Variants in EPHA6 observed in about 807,000 individuals in gnomAD.
EPHA6 encodes ephrin type-A receptor 6.
In EPHA6, 50 loss-of-function variants were observed where a neutral mutation model predicts 112.0. The observed-to-expected ratio is 0.45, with a 90% CI of 0.36 to 0.56. The LOEUF is 0.56. Ranked by LOEUF, EPHA6 falls within the 20% of genes least tolerant of loss-of-function variation. The pLI, the probability that EPHA6 is intolerant of heterozygous loss-of-function variation, is 0.00. For missense variants in EPHA6, 1,280 were observed against 1,417.4 expected (o/e 0.90, Z 1.56); for synonymous variants, 529 against 490.7 (o/e 1.08, Z -1.03).
intron 3 of EPHA6, among the ~76,000 whole-genome samples, chr3:97,030,559 C>T (rs1183847862): frequency 3.3e-5 from 5 of 152,046 alleles, no homozygotes; most frequent in Admixed American, 3.3e-4. Flanking sequence ...ACCTCTCTTC[C>T]CCTTCCAGAA....
chr3:97,746,312 A>T (rs1428893909), intron 16 of EPHA6, among the ~76,000 whole-genome samples: 1 of 151,850 alleles, frequency 6.6e-6, no homozygotes, highest in African/African-American at 2.4e-5. Context: ...TATAAATTAC[A>T]GATCTAAAAA....
At chr3:97,513,014 G>C (rs978897166) in intron 10 of EPHA6, among the ~76,000 whole-genome samples, 2 of 152,120 alleles carry the variant, frequency 1.3e-5, no homozygotes, top group Non-Finnish European at 2.9e-5. Context: ...CTTTCACATA[G>C]AGAGTTAAAT....
At chr3:96,953,454 A>G (rs2041632518) in intron 2 of EPHA6, among the ~76,000 whole-genome samples, 1 of 152,216 alleles carries the variant, frequency 6.6e-6, no homozygotes, top group Admixed American at 6.5e-5. Context: ...AGTACATTGT[A>G]GCACAAAAAT....
intron 15 of EPHA6, among the ~76,000 whole-genome samples, chr3:97,735,561 A>G (rs2035217726): frequency 6.6e-6 from 1 of 152,044 alleles, no homozygotes; most frequent in Non-Finnish European, 1.5e-5. Context: ...GACATTTGTT[A>G]TATGTTATTT....
chr3:96,922,589 A>T (rs1005550896), intron 2 of EPHA6, among the ~76,000 whole-genome samples: 6 of 152,234 alleles, frequency 3.9e-5, no homozygotes, highest in African/African-American at 1.4e-4. Context: ...TTAACAAATG[A>T]TAAAAATGTA....
chr3:97,243,677 G>A (rs1423784528), intron 4 of EPHA6, among the ~76,000 whole-genome samples: 4 of 151,678 alleles, frequency 2.6e-5, no homozygotes, highest in African/African-American at 7.3e-5. Context: ...TTTAAAAGGT[G>A]TAATTACCAT....
chr3:97,125,390 A>G (rs2048156019), intron 3 of EPHA6, among the ~76,000 whole-genome samples: 1 of 152,230 alleles, frequency 6.6e-6, no homozygotes, highest in South Asian at 2.1e-4. Context: ...TTATGCTAAT[A>G]GGAAATTTAA....
At chr3:97,119,862 C>T (rs1259076409) in intron 3 of EPHA6, among the ~76,000 whole-genome samples, 2 of 151,916 alleles carry the variant, frequency 1.3e-5, no homozygotes, top group Non-Finnish European at 2.9e-5. Flanking sequence ...CTGAAATATT[C>T]ATATGTACTA....
At chr3:97,514,175 T>C (rs1368566892) in intron 10 of EPHA6, among the ~76,000 whole-genome samples, 2 of 152,174 alleles carry the variant, frequency 1.3e-5, no homozygotes, top group African/African-American at 4.8e-5. Flanking sequence ...AGAACTGATA[T>C]CTTCCAAAGT....
At chr3:96,854,466 T>C (rs1207185600) in intron 1 of EPHA6, among the ~76,000 whole-genome samples, 3 of 152,008 alleles carry the variant, frequency 2.0e-5, no homozygotes, top group Non-Finnish European at 4.4e-5. Context: ...ATAGCACTTA[T>C]CATAATATAT....
chr3:97,061,271 TC>T (rs745769198), intron 3 of EPHA6, among the ~76,000 whole-genome samples: 11 of 152,298 alleles, frequency 7.2e-5, no homozygotes, highest in Non-Finnish European at 1.3e-4. Context: ...ATGAAAGTTT[TC>T]CTTTAAACTT....
At chr3:97,671,190 C>T (rs558950931) in intron 14 of EPHA6, among the ~76,000 whole-genome samples, 1 of 152,104 alleles carries the variant, frequency 6.6e-6, no homozygotes, top group East Asian at 1.9e-4. Flanking sequence ...ACAAATAGCT[C>T]CCTGTGAGCA....
chr3:97,221,180 G>A (rs1187654661), intron 3 of EPHA6, among the ~76,000 whole-genome samples: 2 of 151,614 alleles, frequency 1.3e-5, no homozygotes, highest in Non-Finnish European at 2.9e-5. Flanking sequence ...GGGCATGGTG[G>A]TGCATGCCTG....
intron 3 of EPHA6, among the ~76,000 whole-genome samples, chr3:97,035,548 T>G (rs1347229169): frequency 3.9e-5 from 6 of 152,016 alleles, no homozygotes; most frequent in African/African-American, 1.4e-4. Context: ...ACTTCCTTAA[T>G]GATAAAATTC....
At chr3:96,834,850 G>A (rs968820692) in intron 1 of EPHA6, among the ~76,000 whole-genome samples, 2 of 151,866 alleles carry the variant, frequency 1.3e-5, no homozygotes, top group Non-Finnish European at 2.9e-5. Flanking sequence ...CTATCGAATA[G>A]CAAAAAAGAC....
intron 5 of EPHA6, among the ~76,000 whole-genome samples, chr3:97,290,613 G>C (rs548378823): frequency 6.6e-6 from 1 of 152,176 alleles, no homozygotes; most frequent in Non-Finnish European, 1.5e-5. Flanking sequence ...AATCTTGGTT[G>C]GTTGTGTTAT....
chr3:97,737,410 G>T (rs185957159), intron 16 of EPHA6, among the ~76,000 whole-genome samples: 2 of 151,820 alleles, frequency 1.3e-5, no homozygotes, highest in Admixed American at 1.3e-4. Context: ...TGAGGTTGGG[G>T]GTCAGAAGAT....
rs143996367 is a variant in EPHA6, at chr3:97,069,640, A to G, written c.1114+81647A>G. ...AAAGATTCACCCAAACAGCATCTGT[A>G]TGGCAGTCTAATGATGTAGCATATA... is the stretch of plus-strand genomic sequence containing the variant. On this transcript the variant is annotated intron_variant, in intron 3 of 17. Coordinates refer to ENST00000389672, the MANE Select transcript of EPHA6 (RefSeq NM_001080448.3). 1.9e-3 allele frequency among the ~76,000 whole-genome samples: 287 copies of G among 152,292 alleles called. 13 individuals are homozygous for G. The East Asian group carries it at 0.047, about 25-fold the overall frequency.
intron 3 of EPHA6, among the ~76,000 whole-genome samples, chr3:97,093,977 C>A (rs1362195022): frequency 6.6e-6 from 1 of 151,976 alleles, no homozygotes; most frequent in Non-Finnish European, 1.5e-5. Flanking sequence ...TCAGATACAG[C>A]GTGCATAGAG....
Sources: allele counts gnomAD v4.1 joint callset (sites outside exome capture counted in the v4.1 genomes callset), GRCh38; gene constraint gnomAD v4.1.1; transcripts MANE v1.5; gene names NCBI Gene and HGNC (gene_info 2026-07-23, HGNC 2026-07-21).